The following HECW2 variants were observed in gnomAD, a reference collection of about 807,000 sequenced individuals.
HECW2 encodes HECT, C2 and WW domain containing E3 ubiquitin protein ligase 2, also known as E3 ubiquitin-protein ligase HECW2.
Under a neutral mutation model 175.2 loss-of-function variants are expected in HECW2, and 61 were observed. The observed-to-expected ratio is 0.35, with a 90% CI of 0.28 to 0.43. HECW2 has a LOEUF of 0.43. HECW2 is among the 20% of genes least tolerant of loss of function. The probability of loss-of-function intolerance (pLI) is 1.00; values close to 1 mark genes in which losing one functional copy is unlikely to be tolerated. For synonymous variants in HECW2, 671 were observed against 731.0 expected (o/e 0.92, Z 1.32); for missense variants, 1,524 against 2,000.5 (o/e 0.76, Z 4.54).
At chr2:196,422,674 G>A (rs1695438491) in intron 2 of HECW2, among the ~76,000 whole-genome samples, 2 of 152,052 alleles carry the variant, frequency 1.3e-5, no homozygotes. Flanking sequence ...CTGACTAGGT[G>A]AAAAGAATTT....
intron 1 of HECW2, among the ~76,000 whole-genome samples, chr2:196,540,206 A>G (rs1018570805): frequency 2.6e-5 from 4 of 152,150 alleles, no homozygotes; most frequent in Admixed American, 6.5e-5. Flanking sequence ...TTTTTGGGGG[A>G]AAAAAGATTA....
intron 4 of HECW2, among the ~76,000 whole-genome samples, chr2:196,333,223 T>C (rs1405394160): frequency 1.3e-5 from 2 of 152,144 alleles, no homozygotes; most frequent in Non-Finnish European, 2.9e-5. Context: ...TTGATGTCTC[T>C]CTTCTGCACC....
At position 196,209,900 on chromosome 2, in the gene HECW2, G is replaced by A. The variant is rs187717030; in HGVS notation, c.4607+5965C>T. Among the ~76,000 whole-genome samples the A allele has an allele frequency of 3.0e-3, 461 of 152,032 alleles. 4 individuals are homozygous for A. Among genetic ancestry groups the A allele is most frequent in the African/African-American group, 0.011 (439 of 41,450 alleles). Reference sequence around the variant, plus strand: ...TGCCTCTGCCTCCCGAGTAGATGGGGCTACAGGCGCCCACCACCACGCCCG... The same window carrying A: ...TGCCTCTGCCTCCCGAGTAGATGGGACTACAGGCGCCCACCACCACGCCCG... On this transcript the variant is annotated intron_variant, in intron 28 of 28. Coordinates refer to ENST00000644978, the MANE Select transcript of HECW2 (RefSeq NM_001348768.2).
At chr2:196,217,328 A>G (rs1687513634) in intron 26 of HECW2, 2 of 408,164 alleles carry the variant, frequency 4.9e-6, no homozygotes, top group Admixed American at 8.3e-5. Flanking sequence ...AACGGTCACT[A>G]AGTGAAACTA....
At chr2:196,430,725 GA>G (rs1394579410) in intron 2 of HECW2, among the ~76,000 whole-genome samples, 3 of 152,104 alleles carry the variant, frequency 2.0e-5, no homozygotes, top group South Asian at 4.1e-4. Context: ...TAGATAAATA[GA>G]AATTATCAAA....
At chr2:196,537,918 C>T (rs1429429010) in intron 1 of HECW2, among the ~76,000 whole-genome samples, 1 of 152,192 alleles carries the variant, frequency 6.6e-6, no homozygotes, top group Non-Finnish European at 1.5e-5. Flanking sequence ...AGGGAACCTC[C>T]TACTCTGTCT....
At chr2:196,581,308 G>T (rs1690771615) in intron 1 of HECW2, among the ~76,000 whole-genome samples, 1 of 152,176 alleles carries the variant, frequency 6.6e-6, no homozygotes. Context: ...GCCAAGACAG[G>T]AGAATCACTT....
chr2:196,385,576 A>G (rs1694322834), intron 2 of HECW2, among the ~76,000 whole-genome samples: 1 of 152,206 alleles, frequency 6.6e-6, no homozygotes. Context: ...GTAGGACGCT[A>G]GAAGACCTGG....
At chr2:196,299,283 A>G (rs1221644308) in intron 13 of HECW2, among the ~76,000 whole-genome samples, 1 of 151,716 alleles carries the variant, frequency 6.6e-6, no homozygotes, top group African/African-American at 2.4e-5. Context: ...ATCATGCCCA[A>G]CTAAAGAAAA....
rs566156355 is a variant in HECW2 at position 196,326,408 on chromosome 2, T to C, written c.572-1259A>G. Among the ~76,000 whole-genome samples, 13 of 152,114 alleles carry C rather than the reference T, an allele frequency of 8.5e-5. No individual in the cohort carries two copies. In the South Asian group the frequency reaches 1.9e-3, roughly 22 times the overall value. ...ACACCTGGCAGTAGAGGCGGAAAGT[T>C]TGATATATCTGCAAATATTTAAAAA... is the stretch of plus-strand genomic sequence containing the variant. On this transcript the variant is annotated intron_variant, in intron 5 of 28. Coordinates refer to ENST00000644978, the MANE Select transcript of HECW2 (RefSeq NM_001348768.2).
intron 21 of HECW2, chr2:196,239,573 A>C (rs983476455): frequency 2.0e-5 from 3 of 152,190 alleles, no homozygotes; most frequent in African/African-American, 7.2e-5. Flanking sequence ...CCCAGGCATG[A>C]CTGAGAGGGA....
chr2:196,410,564 C>T (rs1281838790), intron 2 of HECW2, among the ~76,000 whole-genome samples: 1 of 152,052 alleles, frequency 6.6e-6, no homozygotes, highest in Non-Finnish European at 1.5e-5. Context: ...CCATTGAAAA[C>T]AATTCTTAAA....
At chr2:196,237,370 G>A (rs564470186) in intron 21 of HECW2, among the ~76,000 whole-genome samples, 1 of 152,160 alleles carries the variant, frequency 6.6e-6, no homozygotes, top group East Asian at 1.9e-4. Context: ...AGTCCCAAAA[G>A]TTCAATGTAT....
chr2:196,577,255 A>C (rs1390152901), intron 1 of HECW2, among the ~76,000 whole-genome samples: 1 of 152,188 alleles, frequency 6.6e-6, no homozygotes, highest in African/African-American at 2.4e-5. Flanking sequence ...GAAAAATATA[A>C]GGAAAAAATT....
intron 1 of HECW2, among the ~76,000 whole-genome samples, chr2:196,467,007 C>G (rs576134794): frequency 2.8e-4 from 42 of 152,280 alleles, no homozygotes; most frequent in Middle Eastern, 3.4e-3. Flanking sequence ...TAGTACCAAG[C>G]CTGCTGCCAT....
intron 13 of HECW2, among the ~76,000 whole-genome samples, chr2:196,302,458 C>A (rs1389360017): frequency 6.6e-6 from 1 of 152,120 alleles, no homozygotes; most frequent in Non-Finnish European, 1.5e-5. Flanking sequence ...TGAAGAATGT[C>A]AATGGTAGTT....
intron 1 of HECW2, among the ~76,000 whole-genome samples, chr2:196,458,775 A>C (rs1033008416): frequency 2.0e-5 from 3 of 152,188 alleles, no homozygotes; most frequent in Non-Finnish European, 4.4e-5. Context: ...CTGAGGCAGG[A>C]GAATGACTTG....
chr2:196,337,973 CTGTATT>C (rs1365178597), intron 3 of HECW2, among the ~76,000 whole-genome samples: 2 of 152,172 alleles, frequency 1.3e-5, no homozygotes, highest in African/African-American at 4.8e-5. Context: ...ATTTAGCACT[CTGTATT>C]TGAATATTCT....
intron 17 of HECW2, among the ~76,000 whole-genome samples, chr2:196,270,350 G>C (rs893061441): frequency 1.3e-5 from 2 of 152,310 alleles, no homozygotes; most frequent in East Asian, 3.9e-4. Flanking sequence ...CAGGGAAGGG[G>C]AACAGCATGT....
Sources: allele counts gnomAD v4.1 joint callset (sites outside exome capture counted in the v4.1 genomes callset), GRCh38; gene constraint gnomAD v4.1.1; transcripts MANE v1.5; gene names NCBI Gene and HGNC (gene_info 2026-07-23, HGNC 2026-07-21).